Variants in GRM3 observed in about 807,000 individuals in gnomAD.
The protein encoded by GRM3 is metabotropic glutamate receptor 3.
In GRM3, 26 loss-of-function variants were observed where a neutral mutation model predicts 70.5. The ratio of observed to expected loss-of-function variants is 0.37; its 90% CI spans 0.27 to 0.51. The LOEUF (loss-of-function observed/expected upper bound fraction) is 0.51. Ranked by LOEUF, GRM3 falls within the 20% of genes least tolerant of loss-of-function variation. The probability of loss-of-function intolerance (pLI) is 0.93; values close to 1 mark genes in which losing one functional copy is unlikely to be tolerated. For synonymous variants in GRM3, 443 were observed against 434.9 expected, an observed-to-expected ratio of 1.02 and a Z score of -0.23; for missense variants, 859 against 1,123.8, an observed-to-expected ratio of 0.76 and a Z score of 3.37.
At chr7:86,646,377 T>C (rs981569554) in intron 1 of GRM3, among the ~76,000 whole-genome samples, 1 of 152,210 alleles carries the variant, frequency 6.6e-6, no homozygotes, top group African/African-American at 2.4e-5. Context: ...CTGTCAATCT[T>C]ATTGGGTTTT....
At position 86,676,616 on chromosome 7, in the gene GRM3, G is replaced by A. The variant is rs544371624; in HGVS notation, c.-141+31744G>A. 5.9e-5 allele frequency among the ~76,000 whole-genome samples: 9 copies of A among 152,040 alleles called. No homozygotes were observed. In the South Asian group the frequency reaches 1.0e-3, roughly 18 times the overall value. On this transcript the variant is annotated intron_variant, in intron 1 of 5. Coordinates refer to ENST00000361669, the MANE Select transcript of GRM3 (RefSeq NM_000840.3). ...TATGTTCAAACATTAAAATGGGCCC[G>A]ATATTAGCCTCTCTTTTAAGAAGAT...
At chr7:86,649,401 C>T (rs1793553370) in intron 1 of GRM3, among the ~76,000 whole-genome samples, 1 of 152,126 alleles carries the variant, frequency 6.6e-6, no homozygotes, top group Non-Finnish European at 1.5e-5. Context: ...AAATTGTACA[C>T]TGTACTTTAA....
intron 3 of GRM3, among the ~76,000 whole-genome samples, chr7:86,824,633 C>A (rs572046831): frequency 6.6e-6 from 1 of 152,244 alleles, no homozygotes; most frequent in Admixed American, 6.5e-5. Flanking sequence ...AATTACACAC[C>A]TAGTTGGATA....
intron 5 of GRM3, among the ~76,000 whole-genome samples, chr7:86,852,310 G>A (rs552699979): frequency 9.9e-5 from 15 of 152,236 alleles, no homozygotes; most frequent in African/African-American, 3.1e-4. Context: ...TTCCATAGAC[G>A]TTATTCAAAA....
chr7:86,723,536 G>T (rs186571149), intron 1 of GRM3, among the ~76,000 whole-genome samples: 26 of 152,236 alleles, frequency 1.7e-4, no homozygotes, highest in African/African-American at 6.0e-4. Flanking sequence ...AAGATGAATT[G>T]TCATCCACTA....
chr7:86,784,635 A>T (rs1268290137), intron 2 of GRM3: 1 of 152,218 alleles, frequency 6.6e-6, no homozygotes, highest in Non-Finnish European at 1.5e-5. Context: ...AGTATAGGCC[A>T]TTTTGTCCAG....
At chr7:86,698,219 A>G (rs1794862490) in intron 1 of GRM3, among the ~76,000 whole-genome samples, 2 of 152,138 alleles carry the variant, frequency 1.3e-5, no homozygotes, top group East Asian at 1.9e-4. Flanking sequence ...CTTTGAATCA[A>G]GTATTCCTTG....
At chr7:86,694,958 G>T (rs530770564) in intron 1 of GRM3, among the ~76,000 whole-genome samples, 1 of 152,248 alleles carries the variant, frequency 6.6e-6, no homozygotes, top group South Asian at 2.1e-4. Context: ...GAAGATCAAG[G>T]GTTCCCTTTC....
intron 1 of GRM3, among the ~76,000 whole-genome samples, chr7:86,708,875 T>C (rs1273942251): frequency 1.3e-5 from 2 of 152,066 alleles, no homozygotes; most frequent in Non-Finnish European, 2.9e-5. Flanking sequence ...CATGTCTCCA[T>C]ATAAGCAAGG....
intron 1 of GRM3, among the ~76,000 whole-genome samples, chr7:86,648,232 TAAGA>T (rs1360909583): frequency 6.6e-6 from 1 of 152,214 alleles, no homozygotes; most frequent in Non-Finnish European, 1.5e-5. Flanking sequence ...ATGTAAGAAT[TAAGA>T]AATTACCTTT....
At chr7:86,700,584 C>A (rs1794925108) in intron 1 of GRM3, among the ~76,000 whole-genome samples, 1 of 151,798 alleles carries the variant, frequency 6.6e-6, no homozygotes, top group African/African-American at 2.4e-5. Flanking sequence ...TTAGCATGAG[C>A]AAAAATTGCC....
intron 1 of GRM3, among the ~76,000 whole-genome samples, chr7:86,740,938 A>T (rs1439382160): frequency 6.6e-6 from 1 of 152,182 alleles, no homozygotes; most frequent in Non-Finnish European, 1.5e-5. Flanking sequence ...ATCAACCTGT[A>T]TGCATCATGT....
chr7:86,840,876 G>A (rs1004504847), intron 4 of GRM3, among the ~76,000 whole-genome samples: 8 of 151,750 alleles, frequency 5.3e-5, no homozygotes, highest in East Asian at 1.9e-4. Context: ...TTCCTACATC[G>A]CCAAAATCTA....
intron 1 of GRM3, among the ~76,000 whole-genome samples, chr7:86,682,111 CA>C (rs1460045146): frequency 6.6e-6 from 1 of 152,154 alleles, no homozygotes; most frequent in Non-Finnish European, 1.5e-5. Context: ...ATTTGCAAAG[CA>C]GAGAGAAAAT....
intron 4 of GRM3, among the ~76,000 whole-genome samples, chr7:86,842,907 A>G (rs1179102632): frequency 6.6e-6 from 1 of 152,136 alleles, no homozygotes; most frequent in Non-Finnish European, 1.5e-5. Context: ...TGGGATTTTT[A>G]CCCCGTAACC....
chr7:86,656,648 G>T (rs887496356), intron 1 of GRM3, among the ~76,000 whole-genome samples: 1 of 151,652 alleles, frequency 6.6e-6, no homozygotes. Context: ...AATGTAATAC[G>T]CTCACTTGCT....
intron 3 of GRM3, among the ~76,000 whole-genome samples, chr7:86,792,343 T>C (rs1044455794): frequency 6.6e-5 from 10 of 152,176 alleles, no homozygotes; most frequent in African/African-American, 2.4e-4. Flanking sequence ...GTCAGAGTGA[T>C]GTGGTAACTG....
rs116000079 is a variant in GRM3, at chr7:86,769,324, T to A, written c.468+3711T>A. 2.8e-3 allele frequency among the ~76,000 whole-genome samples: 426 copies of A among 152,300 alleles called. 4 individuals are homozygous for A. Among genetic ancestry groups the A allele is most frequent in the African/African-American group, 9.9e-3 (411 of 41,576 alleles). On this transcript the variant is annotated intron_variant, in intron 2 of 5. Transcript: ENST00000361669. ...AATAAATGAGTATGAACCTGTCACA[T>A]AATTTTAAAAATTCCTGCTGTCTGA...
chr7:86,719,118 A>G (rs1042079068), intron 1 of GRM3, among the ~76,000 whole-genome samples: 4 of 151,852 alleles, frequency 2.6e-5, no homozygotes, highest in Admixed American at 1.3e-4. Flanking sequence ...TGATCCAAGC[A>G]GTTCTGGGGG....
Sources: allele counts gnomAD v4.1 joint callset (sites outside exome capture counted in the v4.1 genomes callset), GRCh38; gene constraint gnomAD v4.1.1; transcripts MANE v1.5; gene names NCBI Gene and HGNC (gene_info 2026-07-23, HGNC 2026-07-21).